The following MGST2 variants were observed in gnomAD, a reference collection of about 807,000 sequenced individuals.
MGST2 encodes the protein microsomal glutathione S-transferase 2.
A neutral mutation model predicts 16.6 loss-of-function variants in MGST2; 9 were observed. The observed-to-expected ratio is 0.54, with a 90% confidence interval of 0.33 to 0.95. The LOEUF (loss-of-function observed/expected upper bound fraction) is 0.95, where lower values mean the gene tolerates loss of function less well. Among genes scored for constraint, MGST2 ranks in the 40% least tolerant of loss-of-function variants. The pLI is 0.03. For missense variants in MGST2, 159 were observed against 175.1 expected (o/e 0.91, Z 0.52); for synonymous variants, 79 against 68.0 (o/e 1.16, Z -0.79).
intron 2 of MGST2, among the ~76,000 whole-genome samples, chr4:139,693,263 G>A (rs1284253812): frequency 3.3e-5 from 5 of 152,102 alleles, no homozygotes; most frequent in Non-Finnish European, 2.9e-5. Context: ...AAATTAGCCG[G>A]GCGCGGTGGC....
chr4:139,725,313 C>A (rs1467395139), intron 5 of MGST2, among the ~76,000 whole-genome samples: 1 of 152,162 alleles, frequency 6.6e-6, no homozygotes, highest in Non-Finnish European at 1.5e-5. Context: ...GGTCAGGTGA[C>A]CTGCTGGGAT....
chr4:139,741,828 C>A (rs1729174873), downstream of MGST2, among the ~76,000 whole-genome samples: 1 of 152,158 alleles, frequency 6.6e-6, no homozygotes, highest in Admixed American at 6.5e-5. Flanking sequence ...CTGTGTTTAT[C>A]TTGTGCACGG....
In MGST2 at chr4:139,678,560, G is replaced by T; in HGVS notation, c.76G>T (p.Val26Phe). The T allele has an allele frequency of 6.2e-7, 1 of 1,614,052 alleles. No homozygotes were observed. Among genetic ancestry groups the T allele is most frequent in the Non-Finnish European group, 8.5e-7 (1 of 1,179,954 alleles). ...ACTTGCAGGTTATTTTGCTTTGCAA[G>T]TTGGAAAGGCAAGATTAAAATACAA... ...ACQQSYFALQVGKARLKYKVT... is the reference protein window; with the variant it reads ...ACQQSYFALQFGKARLKYKVT... Residue 26 changes from valine to phenylalanine, a missense_variant, in exon 2 of 5, where the codon GTT becomes TTT. By Grantham distance (50) the Val-to-Phe change is conservative. Coordinates refer to ENST00000265498, the MANE Select transcript of MGST2 (RefSeq NM_002413.5).
chr4:139,743,884 T>G (rs2111028321), downstream of MGST2, among the ~76,000 whole-genome samples: 1 of 152,280 alleles, frequency 6.6e-6, no homozygotes, highest in East Asian at 1.9e-4. Flanking sequence ...GAGTCCCCAT[T>G]AATAAATAAA....
chr4:139,705,220 T>C (rs1346654670), downstream of MGST2, among the ~76,000 whole-genome samples: 1 of 152,132 alleles, frequency 6.6e-6, no homozygotes, highest in African/African-American at 2.4e-5. Context: ...CACAGGAAGA[T>C]AGGAGTCAAG....
intron 1 of MGST2, among the ~76,000 whole-genome samples, chr4:139,670,139 C>T (rs2110788363): frequency 6.6e-6 from 1 of 151,476 alleles, no homozygotes; most frequent in Admixed American, 6.6e-5. Flanking sequence ...CATCCTGTGC[C>T]TTGGTAGAGA....
At chr4:139,754,399 T>G in the MGST2 span, among the ~76,000 whole-genome samples, 1 of 152,336 alleles carries the variant, frequency 6.6e-6, no homozygotes, top group South Asian at 2.1e-4. Flanking sequence ...AGTCACTCAA[T>G]GTATTTCCAA....
At chr4:139,753,976 A>T in the MGST2 span, among the ~76,000 whole-genome samples, 1 of 152,218 alleles carries the variant, frequency 6.6e-6, no homozygotes, top group East Asian at 1.9e-4. Context: ...GAGTTAATGA[A>T]AAACCTCTTT....
At chr4:139,678,498 A>G in intron 1 of MGST2, 45 bp from the exon 2 acceptor site, 1 of 1,419,678 alleles carries the variant, frequency 7.0e-7, no homozygotes. Flanking sequence ...ACTAATGACT[A>G]ATGACGTGCC....
At position 139,678,601 on chromosome 4, in the gene MGST2, A is replaced by C. The variant is rs200392494; in HGVS notation, c.117A>C (p.Ala39=). 6.2e-7 allele frequency: 1 copy of C among 1,614,150 alleles called. No homozygotes were observed. The highest frequency in any genetic ancestry group is 1.3e-5 in the African/African-American group (1 of 75,054). Residue 39 remains alanine, a synonymous_variant, in exon 2 of 5, where the codon GCA becomes GCC. Coordinates refer to ENST00000265498, the MANE Select transcript of MGST2 (RefSeq NM_002413.5). ...TAAAATACAAAGTTACGCCCCCAGC[A>C]GTCACTGGGTCACCAGAGTTTGAGA... ...ARLKYKVTPP[A]VTGSPEFERV...
At chr4:139,736,372 G>A (rs929262346) in intron 5 of MGST2, among the ~76,000 whole-genome samples, 5 of 152,164 alleles carry the variant, frequency 3.3e-5, no homozygotes, top group African/African-American at 1.2e-4. Flanking sequence ...GCCAAAGAGC[G>A]CAGCAGTTTT....
At chr4:139,741,462 G>T (rs1167655347), downstream of MGST2, among the ~76,000 whole-genome samples, 2 of 152,138 alleles carry the variant, frequency 1.3e-5, no homozygotes, top group Admixed American at 1.3e-4. Flanking sequence ...GCTTTAAATT[G>T]TGCCCTGAGC....
intron 5 of MGST2, among the ~76,000 whole-genome samples, chr4:139,729,835 T>A (rs1728629824): frequency 6.6e-6 from 1 of 152,226 alleles, no homozygotes; most frequent in Admixed American, 6.5e-5. Context: ...ACTCACAGAT[T>A]TCCTGAGCTG....
chr4:139,720,128 A>G, intron 5 of MGST2: 3 of 1,614,002 alleles, frequency 1.9e-6, no homozygotes, highest in Non-Finnish European at 2.5e-6. Flanking sequence ...CATATTGTAC[A>G]TTCCTGGTTG....
Position 139,703,535 on chromosome 4 carries a change from C to T in MGST2, c.310C>T (p.Arg104Trp), listed in dbSNP as rs144546293. Residue 104 changes from arginine to tryptophan, a missense_variant and splice_region_variant, in exon 4 of 5, where the codon CGG becomes TGG. By Grantham distance (101) the Arg-to-Trp change is moderately radical. Transcript: ENST00000265498. ...GGGATATTCAGAAGCTGCTAAAAAA[C>T]GGTAAGGAGAACCCAGTAATTTTGT... ...FWGYSEAAKK[R>W]ITGFRLSLGI... The T allele has an allele frequency of 3.0e-5, 48 of 1,613,146 alleles. No homozygotes were observed. Among genetic ancestry groups the T allele is most frequent in the Non-Finnish European group, 3.6e-5 (42 of 1,179,454 alleles).
chr4:139,704,155 C>A lies in MGST2; in HGVS notation c.*7C>A, dbSNP rs1178254908. On this transcript the variant is annotated 3_prime_UTR_variant, in exon 5 of 5. Transcript: ENST00000265498. ...ACTGAGGCGGCAATTCTAACTTTTT[C>A]TCTTCCCTTTAATACTTGCAGAAGC... 1 of 1,614,116 alleles carries A rather than the reference C, an allele frequency of 6.2e-7. No homozygotes were observed. Among genetic ancestry groups the A allele is most frequent in the Admixed American group, 1.7e-5 (1 of 60,022 alleles).
intron 5 of MGST2, chr4:139,718,709 T>A (rs1728097404): frequency 6.5e-6 from 1 of 152,806 alleles, no homozygotes; most frequent in Admixed American, 6.5e-5. Context: ...AGACAGACAG[T>A]CCTGTAGGAT....
chr4:139,676,774 G>A (rs1730982472), intron 1 of MGST2, among the ~76,000 whole-genome samples: 2 of 152,160 alleles, frequency 1.3e-5, no homozygotes, highest in African/African-American at 4.8e-5. Flanking sequence ...GTGAATATTT[G>A]TGTACAATTC....
At chr4:139,738,474 C>T (rs1041637949) in intron 5 of MGST2, among the ~76,000 whole-genome samples, 1 of 152,056 alleles carries the variant, frequency 6.6e-6, no homozygotes, top group Admixed American at 6.5e-5. Context: ...ACCTGGGAGG[C>T]GGAGGTTGCA....
Sources: gnomAD v4.1 joint callset for allele counts (sites outside exome capture counted in the v4.1 genomes callset) on GRCh38, gnomAD v4.1.1 for gene constraint, MANE v1.5 for transcripts, NCBI Gene and HGNC (gene_info 2026-07-23, HGNC 2026-07-21) for gene names.